The following EYA4 variants were observed in gnomAD, a reference collection of about 807,000 sequenced individuals.
EYA4 encodes protein phosphatase EYA4.
A neutral mutation model predicts 87.9 loss-of-function variants in EYA4; 31 were observed. The ratio of observed to expected loss-of-function variants is 0.35; its 90% CI spans 0.27 to 0.48. The LOEUF is 0.48. EYA4 is among the 20% of genes least tolerant of loss of function. EYA4 has a pLI of 0.99. For missense variants in EYA4, 678 were observed against 761.4 expected (o/e 0.89, Z 1.29); for synonymous variants, 263 against 270.6 (o/e 0.97, Z 0.28).
At position 133,378,724 on chromosome 6, in the gene EYA4, A is replaced by G. The variant is rs138001603; in HGVS notation, c.34-3668A>G. Among the ~76,000 whole-genome samples the G allele has an allele frequency of 9.3e-3, 1,415 of 152,218 alleles. 20 individuals carry two copies. Among genetic ancestry groups the G allele is most frequent in the African/African-American group, 0.032 (1,348 of 41,558 alleles). On this transcript the variant is annotated intron_variant, in intron 2 of 19. Transcript: ENST00000355286. ...GTTATTCACCCATTCCTTCATCTCA[A>G]AAATTTAGAATTTTGATATTTATGT...
chr6:133,292,017 C>A (rs1272899398), intron 2 of EYA4, among the ~76,000 whole-genome samples: 1 of 151,898 alleles, frequency 6.6e-6, no homozygotes, highest in Admixed American at 6.6e-5. Flanking sequence ...TGCATACTAT[C>A]CTAGGGCAAT....
intron 5 of EYA4, among the ~76,000 whole-genome samples, chr6:133,455,849 T>C (rs1295026271): frequency 6.6e-6 from 1 of 152,172 alleles, no homozygotes; most frequent in Admixed American, 6.5e-5. Context: ...ATGATAATAA[T>C]GTGTACTAGG....
At chr6:133,394,224 A>T (rs900861722) in intron 3 of EYA4, among the ~76,000 whole-genome samples, 1 of 147,434 alleles carries the variant, frequency 6.8e-6, no homozygotes, top group Non-Finnish European at 1.5e-5. Flanking sequence ...AAATATTTAC[A>T]TTTCCAATGA....
Position 133,430,850 on chromosome 6 carries a change from A to G in EYA4, c.84-15780A>G, listed in dbSNP as rs79689817. ...TCTAGAGGGAGAGCCAATTAAATAAATTAATATACAATATGTCAGGGAGAT... is the reference window on the plus strand; with the variant it reads ...TCTAGAGGGAGAGCCAATTAAATAAGTTAATATACAATATGTCAGGGAGAT... On this transcript the variant is annotated intron_variant, in intron 3 of 19. Coordinates refer to ENST00000355286, the MANE Select transcript of EYA4 (RefSeq NM_004100.5). 7.9e-5 allele frequency among the ~76,000 whole-genome samples: 12 copies of G among 152,342 alleles called. No individual in the cohort carries two copies. The East Asian group carries it at 2.1e-3, about 27-fold the overall frequency.
chr6:133,455,288 C>G (rs1361380306), intron 5 of EYA4, among the ~76,000 whole-genome samples: 2 of 152,124 alleles, frequency 1.3e-5, no homozygotes, highest in Non-Finnish European at 2.9e-5. Context: ...CTCTTCAGAT[C>G]ATTGTTGCTC....
rs78921867 is a variant in EYA4, at chr6:133,312,382, G to GCACACA, written c.33+37592_33+37597dup. On this transcript the variant is annotated intron_variant, in intron 2 of 19. Transcript: ENST00000355286. ...GTGTGTGTGTGAGAGAGAGGCGCGT[G>GCACACA]CACACACACACACACACACACACAC... Among the ~76,000 whole-genome samples, 1,316 of 147,888 alleles carry GCACACA rather than the reference G, an allele frequency of 8.9e-3. 21 individuals carry two copies. The highest frequency in any genetic ancestry group is 0.03 in the African/African-American group (1,183 of 40,022).
rs964739105 is a variant in EYA4, at chr6:133,446,859, C to T, written c.208+105C>T. 4.5e-5 allele frequency: 49 copies of T among 1,095,478 alleles called. No homozygotes were observed. In the African/African-American group the frequency reaches 6.9e-4, roughly 15 times the overall value. The allele number at this position is 1,095,478 out of a possible 1,614,324, so 67.9% of individuals were successfully genotyped here. On this transcript the variant is annotated intron_variant, in intron 4 of 19. Transcript: ENST00000355286. The stretch of plus-strand genomic sequence containing the variant: ...AATAAATATCTTATTATCAATAACA[C>T]AAATCAGCATTATATCCAAGGTATA...
At chr6:133,260,340 C>A (rs753052681) in intron 1 of EYA4, among the ~76,000 whole-genome samples, 1 of 152,070 alleles carries the variant, frequency 6.6e-6, no homozygotes, top group African/African-American at 2.4e-5. Context: ...TGGGTTCAGG[C>A]GATTCTCCTG....
chr6:133,496,322 G>T (rs1427601608), intron 13 of EYA4, among the ~76,000 whole-genome samples: 1 of 152,110 alleles, frequency 6.6e-6, no homozygotes, highest in Non-Finnish European at 1.5e-5. Context: ...ATGCATGTTA[G>T]AGTGTAACAA....
intron 13 of EYA4, among the ~76,000 whole-genome samples, chr6:133,504,412 G>A (rs1288150561): frequency 6.6e-6 from 1 of 152,176 alleles, no homozygotes; most frequent in Non-Finnish European, 1.5e-5. Context: ...CCATTACTGA[G>A]AAATGAGAAT....
chr6:133,408,481 A>G (rs889693558), intron 3 of EYA4, among the ~76,000 whole-genome samples: 1 of 152,078 alleles, frequency 6.6e-6, no homozygotes, highest in South Asian at 2.1e-4. Context: ...CAGCAAGTTC[A>G]GTTTTGGAAA....
chr6:133,365,990 A>C (rs1054053432), intron 2 of EYA4, among the ~76,000 whole-genome samples: 1 of 152,216 alleles, frequency 6.6e-6, no homozygotes, highest in Non-Finnish European at 1.5e-5. Flanking sequence ...CCTTGTGATA[A>C]ATGGATGCCA....
intron 3 of EYA4, among the ~76,000 whole-genome samples, chr6:133,395,194 CT>C (rs1430137374): frequency 6.6e-6 from 1 of 150,884 alleles, no homozygotes; most frequent in Non-Finnish European, 1.5e-5. Context: ...CTTTTTCATG[CT>C]AACATGAGCA....
intron 5 of EYA4, among the ~76,000 whole-genome samples, chr6:133,455,074 G>A (rs1793787412): frequency 6.6e-6 from 1 of 152,108 alleles, no homozygotes. Flanking sequence ...TTAAGGATTA[G>A]CTAAATGTAC....
At chr6:133,292,083 TTAAG>T (rs1228054519) in intron 2 of EYA4, among the ~76,000 whole-genome samples, 1 of 152,344 alleles carries the variant, frequency 6.6e-6, no homozygotes, top group East Asian at 1.9e-4. Flanking sequence ...AAAGTTTATG[TTAAG>T]TAAGTTGTTA....
intron 3 of EYA4, among the ~76,000 whole-genome samples, chr6:133,431,141 G>A (rs555523113): frequency 5.0e-4 from 76 of 152,254 alleles, no homozygotes; most frequent in African/African-American, 1.6e-3. Context: ...TTGGGGCTCT[G>A]TGAGTGAGGG....
intron 3 of EYA4, among the ~76,000 whole-genome samples, chr6:133,421,933 T>A (rs1272288712): frequency 6.6e-6 from 1 of 152,212 alleles, no homozygotes; most frequent in African/African-American, 2.4e-5. Context: ...TTTGAAGATA[T>A]GATATGCCTA....
rs537599140 is a variant in EYA4 at position 133,482,466 on chromosome 6, G to T, written c.1108-566G>T. Among the ~76,000 whole-genome samples the T allele has an allele frequency of 3.8e-4, 58 of 152,200 alleles. 1 individual carries two copies. The highest frequency in any genetic ancestry group is 5.9e-4 in the Admixed American group (9 of 15,282). ...GCAGCCAGCCTGGCCACAACTTCTAGTTGCTGTGCTACAGTCAAAACCCTG... is the reference window on the plus strand; with the variant it reads ...GCAGCCAGCCTGGCCACAACTTCTATTTGCTGTGCTACAGTCAAAACCCTG... On this transcript the variant is annotated intron_variant, in intron 12 of 19. Transcript: ENST00000355286.
intron 3 of EYA4, among the ~76,000 whole-genome samples, chr6:133,408,913 A>C (rs1473688822): frequency 6.6e-6 from 1 of 152,144 alleles, no homozygotes; most frequent in Non-Finnish European, 1.5e-5. Flanking sequence ...TTTAGTGGAG[A>C]GTAACTTTAA....
Sources: gnomAD v4.1 joint callset for allele counts (sites outside exome capture counted in the v4.1 genomes callset) on GRCh38, gnomAD v4.1.1 for gene constraint, MANE v1.5 for transcripts, NCBI Gene and HGNC (gene_info 2026-07-23, HGNC 2026-07-21) for gene names.